The following LMNTD1 variants were observed in gnomAD, a reference collection of about 807,000 sequenced individuals.
LMNTD1 encodes the protein lamin tail domain-containing protein 1.
LMNTD1 carries 35 observed loss-of-function variants against 50.9 expected under a neutral mutation model. That is an observed-to-expected ratio of 0.69 (90% confidence interval 0.53 to 0.91). LMNTD1 has a LOEUF of 0.91. LMNTD1 is among the 40% of genes least tolerant of loss of function. The probability of loss-of-function intolerance (pLI) is 0.00; values close to 1 mark genes in which losing one functional copy is unlikely to be tolerated. For missense variants in LMNTD1, 470 were observed against 475.5 expected, an observed-to-expected ratio of 0.99 and a Z score of 0.11; for synonymous variants, 153 against 161.9, an observed-to-expected ratio of 0.94 and a Z score of 0.42.
At chr12:25,550,417 C>A (rs116085537) in intron 2 of LMNTD1, among the ~76,000 whole-genome samples, 1 of 152,128 alleles carries the variant, frequency 6.6e-6, no homozygotes, top group Non-Finnish European at 1.5e-5. Flanking sequence ...TGTATGCATG[C>A]GTGTTCAGTG....
chr12:25,518,922 C>A lies in LMNTD1; in HGVS notation c.1062G>T (p.Trp354Cys), dbSNP rs1020694091. 2 of 1,613,946 alleles carry A rather than the reference C, an allele frequency of 1.2e-6. No individual in the cohort carries two copies. The highest frequency in any genetic ancestry group is 1.3e-5 in the African/African-American group (1 of 74,896). The change falls in exon 8 of 10, where the codon TGG becomes TGT. Residue 354 changes from tryptophan (W) to cysteine (C), a missense_variant. Trp to Cys is a radical substitution (Grantham distance 215, BLOSUM62 -2). Transcript: ENST00000458174. ...GTGCAGAGACATAGGGATTCTGGCA[C>A]CAAGGGCTGCGATTAGGGAAAACGG... The part of the protein sequence containing the change: ...PPTVFPNRSP[W>C]CQNPYVSAHP...
intron 4 of LMNTD1, among the ~76,000 whole-genome samples, chr12:25,536,533 C>T (rs1942586768): frequency 6.6e-6 from 1 of 152,092 alleles, no homozygotes; most frequent in South Asian, 2.1e-4. Flanking sequence ...GTATTTTGAA[C>T]TGAATGAAAA....
rs553329381 is a variant in LMNTD1 at position 25,559,490 on chromosome 12, A to G, written c.59-12936T>C. Among the ~76,000 whole-genome samples, 1,064 of 152,312 alleles carry G rather than the reference A, an allele frequency of 7.0e-3. 11 individuals are homozygous for G. The highest frequency in any genetic ancestry group is 0.025 in the African/African-American group (1,028 of 41,560). On this transcript the variant is annotated intron_variant, in intron 1 of 7. Coordinates refer to the LMNTD1 transcript ENST00000445693. ...TTCCAACTCTTTGCTATTGTGAATA[A>G]TGCCGCAATAAACATGTGTGTGCAT...
At chr12:25,608,216 CTA>C (rs1946160576) in intron 1 of LMNTD1, among the ~76,000 whole-genome samples, 2 of 152,148 alleles carry the variant, frequency 1.3e-5, no homozygotes, top group African/African-American at 4.8e-5. Context: ...TATTTTGAGC[CTA>C]TGTGTGTCTC....
At chr12:25,549,596 G>T in intron 2 of LMNTD1, 50 bp from the exon 3 acceptor site, 1 of 1,109,008 alleles carries the variant, frequency 9.0e-7, no homozygotes, top group Non-Finnish European at 1.2e-6. Context: ...AGTAAAAGTG[G>T]CTGTGAATAA....
At chr12:25,540,582 G>A (rs1412885060) in intron 4 of LMNTD1, among the ~76,000 whole-genome samples, 158 of 132,858 alleles carry the variant, frequency 1.2e-3, no homozygotes, top group East Asian at 2.1e-3. Context: ...ATTTCAAAAT[G>A]ATAAGAGCTA....
intron 9 of LMNTD1, among the ~76,000 whole-genome samples, chr12:25,501,985 A>G (rs1405639290): frequency 1.3e-5 from 2 of 152,214 alleles, no homozygotes; most frequent in African/African-American, 4.8e-5. Flanking sequence ...CTGAGAAAAC[A>G]GAAGTAAGGC....
At chr12:25,508,021 TTTTAGATTTTC>T (rs1939948504) in intron 8 of LMNTD1, among the ~76,000 whole-genome samples, 1 of 152,064 alleles carries the variant, frequency 6.6e-6, no homozygotes, top group Non-Finnish European at 1.5e-5. Context: ...GTGTTTTTTT[TTTTAGATTTTC>T]TTTGTCCCTC....
At chr12:25,625,659 C>G (rs1026709526) in intron 1 of LMNTD1, among the ~76,000 whole-genome samples, 1 of 152,206 alleles carries the variant, frequency 6.6e-6, no homozygotes, top group African/African-American at 2.4e-5. Context: ...CGGCTTACTA[C>G]TCATCTTTCT....
chr12:25,503,943 T>G, intron 8 of LMNTD1, 143 bp from the exon 9 acceptor site: 1 of 544,956 alleles, frequency 1.8e-6, no homozygotes, highest in South Asian at 3.0e-5. Context: ...TTTCTTTCAC[T>G]TGAAGAAGAA....
chr12:25,619,217 A>ACT (rs143233739), intron 1 of LMNTD1, among the ~76,000 whole-genome samples: 403 of 120,006 alleles, frequency 3.4e-3, no homozygotes, highest in African/African-American at 0.011. Context: ...ATGCTTTTCA[A>ACT]CTCTCTCTCT....
chr12:25,599,399 C>T (rs1036231478), intron 1 of LMNTD1, among the ~76,000 whole-genome samples: 5 of 151,402 alleles, frequency 3.3e-5, no homozygotes, highest in Admixed American at 6.6e-5. Context: ...ATCTGGAACA[C>T]GACAAGCATT....
At chr12:25,646,434 A>G (rs1337375578) in intron 1 of LMNTD1, among the ~76,000 whole-genome samples, 1 of 151,848 alleles carries the variant, frequency 6.6e-6, no homozygotes, top group Non-Finnish European at 1.5e-5. Flanking sequence ...TCTCTTTCCA[A>G]TGGTCTTCTG....
At chr12:25,639,733 A>G (rs1348675127) in intron 1 of LMNTD1, among the ~76,000 whole-genome samples, 1 of 152,186 alleles carries the variant, frequency 6.6e-6, no homozygotes, top group Admixed American at 6.5e-5. Context: ...TGCTTTGGGA[A>G]ACAGTTTGAC....
chr12:25,477,492 A>C (rs1170604404), intron 9 of LMNTD1, among the ~76,000 whole-genome samples: 2 of 152,160 alleles, frequency 1.3e-5, no homozygotes, highest in African/African-American at 4.8e-5. Flanking sequence ...AGTTGGAAGG[A>C]AGAAAAATTG....
intron 6 of LMNTD1, among the ~76,000 whole-genome samples, 192 bp downstream of exon 6, chr12:25,525,907 G>T (rs73076314): frequency 0.14 from 21,320 of 151,742 alleles, 1,574 homozygotes; most frequent in East Asian, 0.2. Context: ...CCCCCAAAAC[G>T]ACTGAAATTA....
At chr12:25,618,053 T>C (rs1212093785) in intron 1 of LMNTD1, among the ~76,000 whole-genome samples, 2 of 152,208 alleles carry the variant, frequency 1.3e-5, no homozygotes, top group Admixed American at 6.5e-5. Context: ...ATCTGACCCC[T>C]GAGCCTGCTC....
intron 6 of LMNTD1, 65 bp from the exon 7 acceptor site, chr12:25,520,140 ATATAC>A: frequency 2.0e-5 from 1 of 50,932 alleles, no homozygotes; most frequent in Non-Finnish European, 4.3e-5. Context: ...CTGTTATGAG[ATATAC>A]ATATATATAT....
Position 25,553,199 on chromosome 12 carries a change from C to T in LMNTD1, c.-161G>A, listed in dbSNP as rs1943876226. ...CAATCCTGATCTTGGCTAAGGATGTCGGACAAACCATGGTGCAGGTGTGTA... is the reference window on the plus strand; with the variant it reads ...CAATCCTGATCTTGGCTAAGGATGTTGGACAAACCATGGTGCAGGTGTGTA... On this transcript the variant is annotated 5_prime_UTR_variant, in exon 1 of 10. Transcript: ENST00000458174. 3 of 1,580,482 alleles carry T rather than the reference C, an allele frequency of 1.9e-6. No individual in the cohort carries two copies. Among genetic ancestry groups the T allele is most frequent in the Non-Finnish European group, 2.6e-6 (3 of 1,166,276 alleles).
Sources: allele counts gnomAD v4.1 joint callset (sites outside exome capture counted in the v4.1 genomes callset), GRCh38; gene constraint gnomAD v4.1.1; transcripts MANE v1.5; gene names NCBI Gene and HGNC (gene_info 2026-07-23, HGNC 2026-07-21).